CDK2: variants seen among roughly 807,000 people sequenced by gnomAD.
CDK2 encodes cyclin-dependent kinase 2.
In CDK2, 8 loss-of-function variants were observed where a neutral mutation model predicts 35.0. The observed-to-expected ratio is 0.23, with a 90% CI of 0.13 to 0.41. CDK2 has a LOEUF of 0.41. Among genes scored for constraint, CDK2 ranks in the 10% least tolerant of loss-of-function variants. The probability of loss-of-function intolerance (pLI) is 1.00; values close to 1 mark genes in which losing one functional copy is unlikely to be tolerated. For missense variants in CDK2, 201 were observed against 367.1 expected (o/e 0.55, Z 3.70); for synonymous variants, 134 against 137.7 (o/e 0.97, Z 0.19).
chr12:55,967,835 C>G (rs1197356353), intron 1 of CDK2, 22 bp from the exon 2 acceptor site: 3 of 1,602,688 alleles, frequency 1.9e-6, no homozygotes, highest in African/African-American at 1.3e-5. Context: ...ATTCCCATCT[C>G]TGCTTTCCCA....
intron 1 of CDK2, 34 bp from the exon 2 acceptor site, chr12:55,967,823 A>G (rs1175720663): frequency 6.4e-7 from 1 of 1,558,484 alleles, no homozygotes; most frequent in Non-Finnish European, 8.9e-7. Flanking sequence ...ATTTGTAACC[A>G]TATTCCCATC....
chr12:55,966,961 C>T lies in CDK2; in HGVS notation c.-48C>T, dbSNP rs1450778520. On this transcript the variant is annotated 5_prime_UTR_variant, in exon 1 of 7. Transcript: ENST00000266970. ...GCCAGGGTCCGCCTTCTGCAGGGTTCCCAGGCCCCCGCTCCAGGGCCGGGC... is the reference window on the plus strand; with the variant it reads ...GCCAGGGTCCGCCTTCTGCAGGGTTTCCAGGCCCCCGCTCCAGGGCCGGGC... 6.8e-7 allele frequency: 1 copy of T among 1,463,944 alleles called. No individual in the cohort carries two copies. The highest frequency in any genetic ancestry group is 9.4e-7 in the Non-Finnish European group (1 of 1,061,048). The allele number at this position is 1,463,944 out of a possible 1,614,324, so 90.7% of individuals were successfully genotyped here. A position where few individuals can be genotyped will look rare whatever the true frequency, so the allele number is the denominator to read the frequency against.
Position 55,971,235 on chromosome 12 carries a change from G to C in CDK2, c.780G>C (p.Arg260=). The C allele has an allele frequency of 6.2e-7, 1 of 1,614,080 alleles. No homozygotes were observed. Among genetic ancestry groups the C allele is most frequent in the Non-Finnish European group, 8.5e-7 (1 of 1,179,974 alleles). ...TACCTCCCCTGGATGAAGATGGACG[G>C]AGCTTGTTATCGGTGAGAGTGGGCA... ...KVVPPLDEDG[R]SLLSQMLHYD... is the part of the protein sequence containing the mutation. The change falls in exon 6 of 7, where the codon CGG becomes CGC. Residue 260 remains arginine (R), a synonymous_variant. Transcript: ENST00000266970.
rs1889331603 is a variant in CDK2, at chr12:55,966,965, G to A, written c.-44G>A. On this transcript the variant is annotated 5_prime_UTR_variant, in exon 1 of 7. Transcript: ENST00000266970. The stretch of plus-strand genomic sequence containing the variant: ...GGGTCCGCCTTCTGCAGGGTTCCCA[G>A]GCCCCCGCTCCAGGGCCGGGCTGAC... 2 of 1,491,232 alleles carry A rather than the reference G, an allele frequency of 1.3e-6. No individual in the cohort carries two copies. Among genetic ancestry groups the A allele is most frequent in the South Asian group, 2.3e-5 (2 of 85,302 alleles). The allele number at this position is 1,491,232 out of a possible 1,614,324, so 92.4% of individuals were successfully genotyped here. A position where few individuals can be genotyped will look rare whatever the true frequency, so the allele number is the denominator to read the frequency against.
chr12:55,967,778 G>A (rs1889368454), intron 1 of CDK2, 79 bp from the exon 2 acceptor site: 1 of 1,239,402 alleles, frequency 8.1e-7, no homozygotes, highest in Admixed American at 1.7e-5. Flanking sequence ...TGTCTCCTTG[G>A]GGGAAAGAAA....
chr12:55,970,288 CAAAAAAAA>C (rs60371110), intron 5 of CDK2, among the ~76,000 whole-genome samples: 635 of 21,802 alleles, frequency 0.029, 6 homozygotes, highest in African/African-American at 0.05. Flanking sequence ...GATTCCATCT[CAAAAAAAA>C]AAAAAAAAAA....
intron 5 of CDK2, 94 bp from the exon 6 acceptor site, chr12:55,970,950 G>A (rs946040647): frequency 1.9e-6 from 2 of 1,076,724 alleles, no homozygotes; most frequent in African/African-American, 3.1e-5. Context: ...GGGCCCTGCT[G>A]ACCTTTTACT....
chr12:55,966,891 G>A lies in CDK2; in HGVS notation c.-118G>A. The stretch of plus-strand genomic sequence containing the variant: ...GTATACTGCGTTCCATCCCGACCCG[G>A]GGCCACGGTACTGGGCCCTGTTTCC... On this transcript the variant is annotated 5_prime_UTR_variant, in exon 1 of 7. Transcript: ENST00000266970. 2 of 941,116 alleles carry A rather than the reference G, an allele frequency of 2.1e-6. No homozygotes were observed. Among genetic ancestry groups the A allele is most frequent in the Non-Finnish European group, 3.2e-6 (2 of 626,092 alleles). 58.3% of individuals were successfully genotyped at this position (941,116 alleles called of 1,614,324 possible).
Position 55,971,942 on chromosome 12 carries a change from A to T in CDK2, c.*317A>T. ...TCCTACACGTTAGATTTGCCGTACCAATCTCTGAATGCCCCATAATTATTA... is the reference window on the plus strand; with the variant it reads ...TCCTACACGTTAGATTTGCCGTACCTATCTCTGAATGCCCCATAATTATTA... On this transcript the variant is annotated 3_prime_UTR_variant, in exon 7 of 7. Transcript: ENST00000266970. 2 of 260,970 alleles carry T rather than the reference A, an allele frequency of 7.7e-6. No homozygotes were observed. Among genetic ancestry groups the T allele is most frequent in the Non-Finnish European group, 1.5e-5 (2 of 137,088 alleles). The allele number at this position is 260,970 out of a possible 1,614,324, so 16.2% of individuals were successfully genotyped here.
At chr12:55,970,525 A>G (rs1889445649) in intron 5 of CDK2, 2 of 669,700 alleles carry the variant, frequency 3.0e-6, no homozygotes, top group East Asian at 5.4e-5. Flanking sequence ...TGTAATGTGC[A>G]TTTATCCCCC....
At chr12:55,967,753 G>A in intron 1 of CDK2, 104 bp from the exon 2 acceptor site, 1 of 901,514 alleles carries the variant, frequency 1.1e-6, no homozygotes, top group Non-Finnish European at 1.8e-6. Context: ...CACTTTCCTA[G>A]GGGGTGCTGG....
intron 6 of CDK2, 60 bp from the exon 7 acceptor site, chr12:55,971,461 C>T (rs1889471781): frequency 2.3e-6 from 3 of 1,325,016 alleles, no homozygotes; most frequent in African/African-American, 1.4e-5. Context: ...TCTGGGAACA[C>T]CTGCTGCCCA....
intron 1 of CDK2, 25 bp downstream of exon 1, chr12:55,967,149 T>C: frequency 6.5e-7 from 1 of 1,541,458 alleles, no homozygotes; most frequent in Non-Finnish European, 8.9e-7. Context: ...TACCCGGGAC[T>C]CCTAACTGGG....
intron 5 of CDK2, 112 bp from the exon 6 acceptor site, chr12:55,970,932 G>C: frequency 1.1e-6 from 1 of 882,686 alleles, no homozygotes; most frequent in Non-Finnish European, 1.9e-6. Context: ...CCTGGGGAGG[G>C]AGTCATGGGG....
At position 55,967,004 on chromosome 12, in the gene CDK2, G is replaced by C; in HGVS notation, c.-5G>C. 1 of 1,607,486 alleles carries C rather than the reference G, an allele frequency of 6.2e-7. No homozygotes were observed. Among genetic ancestry groups the C allele is most frequent in the Non-Finnish European group, 8.5e-7 (1 of 1,176,234 alleles). On this transcript the variant is annotated 5_prime_UTR_variant, in exon 1 of 7. Transcript: ENST00000266970. ...GGCCGGGCTGACCCGACTCGCTGGC[G>C]CTTCATGGAGAACTTCCAAAAGGTG...
intron 5 of CDK2, chr12:55,970,658 CAG>C (rs1565781663): frequency 4.3e-6 from 3 of 702,366 alleles, no homozygotes; most frequent in African/African-American, 1.7e-5. Flanking sequence ...AAATGGAAGA[CAG>C]AGTCTCTGCC....
chr12:55,971,748 C>T lies in CDK2; in HGVS notation c.*123C>T. ...TGAACTTGCCTTAAACACTCACCTT[C>T]TAGTCTTGGCCAGCCAACTCTGGGA... On this transcript the variant is annotated 3_prime_UTR_variant, in exon 7 of 7. Coordinates refer to ENST00000266970, the MANE Select transcript of CDK2 (RefSeq NM_001798.5). The T allele has an allele frequency of 1.5e-6, 1 of 671,906 alleles. No homozygotes were observed. The highest frequency in any genetic ancestry group is 2.6e-6 in the Non-Finnish European group (1 of 381,852). The allele number at this position is 671,906 out of a possible 1,614,324, so 41.6% of individuals were successfully genotyped here. A position where few individuals can be genotyped will look rare whatever the true frequency, so the allele number is the denominator to read the frequency against.
At position 55,971,709 on chromosome 12, in the gene CDK2, T is replaced by G; in HGVS notation, c.*84T>G. ...AGGCTTGGCCTTGGGCTATTTGGAC[T>G]CAGGTGGGCCCTCTGAACTTGCCTT... On this transcript the variant is annotated 3_prime_UTR_variant, in exon 7 of 7. Coordinates refer to ENST00000266970, the MANE Select transcript of CDK2 (RefSeq NM_001798.5). The G allele has an allele frequency of 1.0e-6, 1 of 981,720 alleles. No individual in the cohort carries two copies. Among genetic ancestry groups the G allele is most frequent in the East Asian group, 2.4e-5 (1 of 41,440 alleles). The allele number at this position is 981,720 out of a possible 1,614,324, so 60.8% of individuals were successfully genotyped here. A position where few individuals can be genotyped will look rare whatever the true frequency, so the allele number is the denominator to read the frequency against.
rs1889516344 is a variant in CDK2, at chr12:55,972,760, T to C, written c.*1135T>C. 6.6e-6 allele frequency: 1 copy of C among 152,076 alleles called. No homozygotes were observed. The highest frequency in any genetic ancestry group is 1.5e-5 in the Non-Finnish European group (1 of 68,028). 9.4% of individuals were successfully genotyped at this position (152,076 alleles called of 1,614,324 possible). A position where few individuals can be genotyped will look rare whatever the true frequency, so the allele number is the denominator to read the frequency against. On this transcript the variant is annotated 3_prime_UTR_variant, in exon 7 of 7. Transcript: ENST00000266970. Reference sequence around the variant, plus strand: ...TATTTGTAATTTAGTTTGTAGCTCATTAAAAAAATGTGCCTAGTTTTATAG... The same window carrying C: ...TATTTGTAATTTAGTTTGTAGCTCACTAAAAAAATGTGCCTAGTTTTATAG...
Sources: allele counts gnomAD v4.1 joint callset (sites outside exome capture counted in the v4.1 genomes callset), GRCh38; gene constraint gnomAD v4.1.1; transcripts MANE v1.5; gene names NCBI Gene and HGNC (gene_info 2026-07-23, HGNC 2026-07-21).